The following GALNT13 variants were observed in gnomAD, a reference collection of about 807,000 sequenced individuals.
GALNT13 encodes the protein polypeptide N-acetylgalactosaminyltransferase 13, also known as UDP-GalNAc:polypeptide N-acetylgalactosaminyltransferase 13.
A neutral mutation model predicts 64.2 loss-of-function variants in GALNT13; 28 were observed. The ratio of observed to expected loss-of-function variants is 0.44; its 90% confidence interval spans 0.32 to 0.60. GALNT13 has a LOEUF of 0.60. Among genes scored for constraint, GALNT13 ranks in the 20% least tolerant of loss-of-function variants. The probability of loss-of-function intolerance (pLI) is 0.05; values close to 1 mark genes in which losing one functional copy is unlikely to be tolerated. For synonymous variants in GALNT13, 214 were observed against 224.6 expected (o/e 0.95, Z 0.42); for missense variants, 577 against 669.8 (o/e 0.86, Z 1.53).
chr2:154,232,256 T>C (rs968291481), intron 4 of GALNT13, among the ~76,000 whole-genome samples: 1 of 152,184 alleles, frequency 6.6e-6, no homozygotes, highest in South Asian at 2.1e-4. Context: ...CTAGTAAATA[T>C]GTAGTAGCAC....
At chr2:153,255,988 T>C in the GALNT13 span, among the ~76,000 whole-genome samples, 1 of 152,172 alleles carries the variant, frequency 6.6e-6, no homozygotes, top group Admixed American at 6.5e-5. Context: ...GCGTTCTCTG[T>C]ATTTCCTGAA....
the GALNT13 span, among the ~76,000 whole-genome samples, chr2:153,847,502 A>G: frequency 2.0e-5 from 3 of 152,152 alleles, no homozygotes; most frequent in Admixed American, 6.6e-5. Flanking sequence ...AAACAAAACC[A>G]GAAAAAAACT....
chr2:153,795,075 C>T, the GALNT13 span, among the ~76,000 whole-genome samples: 1 of 152,230 alleles, frequency 6.6e-6, no homozygotes, highest in East Asian at 1.9e-4. Flanking sequence ...TCAGCTGAGC[C>T]GGGGAGGGTG....
the GALNT13 span, among the ~76,000 whole-genome samples, chr2:153,444,694 A>G: frequency 3.3e-4 from 51 of 152,348 alleles, no homozygotes; most frequent in Middle Eastern, 3.4e-3. Flanking sequence ...GAAATCATTC[A>G]ATATGTAGCA....
At chr2:153,356,786 CCTCTTTTTTTTTTTT>C in the GALNT13 span, among the ~76,000 whole-genome samples, 85 of 32,808 alleles carry the variant, frequency 2.6e-3, 2 homozygotes, top group African/African-American at 6.2e-3. Flanking sequence ...TTTTCTTCTT[CCTCTTTTTTTTTTTT>C]TTTTTTTTTT....
chr2:154,368,796 A>G (rs572286410), intron 9 of GALNT13, among the ~76,000 whole-genome samples: 10 of 152,296 alleles, frequency 6.6e-5, no homozygotes, highest in Non-Finnish European at 1.0e-4. Flanking sequence ...TTACCTTAGT[A>G]TGACATCCTC....
At chr2:153,225,655 A>G in the GALNT13 span, among the ~76,000 whole-genome samples, 2 of 152,240 alleles carry the variant, frequency 1.3e-5, no homozygotes, top group African/African-American at 4.8e-5. Flanking sequence ...AGTCCAATAT[A>G]TAATTGTTGC....
chr2:153,112,313 C>G, the GALNT13 span, among the ~76,000 whole-genome samples: 1 of 152,012 alleles, frequency 6.6e-6, no homozygotes, highest in East Asian at 1.9e-4. Context: ...AAGGCTCTAC[C>G]CTTCATTAGC....
At chr2:153,806,680 TAA>T in the GALNT13 span, among the ~76,000 whole-genome samples, 10 of 135,206 alleles carry the variant, frequency 7.4e-5, no homozygotes, top group Admixed American at 1.5e-4. Context: ...TGTCAATTTG[TAA>T]AAAAAAAAAA....
chr2:153,166,608 C>G, the GALNT13 span, among the ~76,000 whole-genome samples: 11 of 145,326 alleles, frequency 7.6e-5, no homozygotes, highest in Admixed American at 4.9e-4. Flanking sequence ...TTTTCTGGCT[C>G]TTTGCCTACT....
chr2:153,562,072 G>A, the GALNT13 span, among the ~76,000 whole-genome samples: 2 of 58,564 alleles, frequency 3.4e-5, no homozygotes, highest in Admixed American at 5.0e-4. Context: ...GTGTGTGTGT[G>A]TGTGTGTGTG....
At chr2:154,217,185 T>G (rs1688094438) in intron 4 of GALNT13, among the ~76,000 whole-genome samples, 1 of 152,060 alleles carries the variant, frequency 6.6e-6, no homozygotes, top group South Asian at 2.1e-4. Context: ...ACCCTATCAT[T>G]TGCCTTACCT....
the GALNT13 span, among the ~76,000 whole-genome samples, chr2:153,251,053 T>A: frequency 6.6e-6 from 1 of 151,500 alleles, no homozygotes; most frequent in East Asian, 1.9e-4. Context: ...TAAAAATAAA[T>A]AATTTTTTTT....
At chr2:153,736,767 C>T in the GALNT13 span, among the ~76,000 whole-genome samples, 2 of 151,998 alleles carry the variant, frequency 1.3e-5, no homozygotes, top group South Asian at 4.1e-4. Context: ...TTGTTTCTTC[C>T]TTCCTTCTTT....
At chr2:153,270,727 T>C in the GALNT13 span, among the ~76,000 whole-genome samples, 1 of 152,112 alleles carries the variant, frequency 6.6e-6, no homozygotes, top group South Asian at 2.1e-4. Context: ...GGCACACCCC[T>C]TGTAGACTGA....
At chr2:153,405,486 GAAGA>G in the GALNT13 span, among the ~76,000 whole-genome samples, 1 of 152,184 alleles carries the variant, frequency 6.6e-6, no homozygotes, top group African/African-American at 2.4e-5. Context: ...GAGCATAGCA[GAAGA>G]AAGGCTCCAC....
At chr2:153,613,276 G>A in the GALNT13 span, among the ~76,000 whole-genome samples, 1 of 152,280 alleles carries the variant, frequency 6.6e-6, no homozygotes, top group East Asian at 1.9e-4. Context: ...AGATTTTTGA[G>A]AAGATTGCGA....
intron 9 of GALNT13, among the ~76,000 whole-genome samples, chr2:154,328,868 G>C (rs1453952273): frequency 4.6e-5 from 7 of 152,124 alleles, no homozygotes; most frequent in Admixed American, 4.6e-4. Context: ...AATTCTGTCT[G>C]TAAATGCAAT....
the GALNT13 span, among the ~76,000 whole-genome samples, chr2:153,801,302 G>A: frequency 6.8e-6 from 1 of 147,218 alleles, no homozygotes; most frequent in East Asian, 2.0e-4. Flanking sequence ...AAGATGCCTA[G>A]TTTTTGGCCT....
Sources: gnomAD v4.1 joint callset for allele counts (sites outside exome capture counted in the v4.1 genomes callset) on GRCh38, gnomAD v4.1.1 for gene constraint, MANE v1.5 for transcripts, NCBI Gene and HGNC (gene_info 2026-07-23, HGNC 2026-07-21) for gene names.